Variants in CRPPA observed in about 807,000 individuals in gnomAD.
CRPPA encodes the protein CDP-L-ribitol pyrophosphorylase A.
CRPPA carries 43 observed loss-of-function variants against 52.0 expected under a neutral mutation model. The observed-to-expected ratio is 0.83, with a 90% CI of 0.65 to 1.07. The LOEUF (loss-of-function observed/expected upper bound fraction) is 1.07. CRPPA is among the 50% of genes least tolerant of loss of function. CRPPA has a pLI of 0.00. For missense variants in CRPPA, 629 were observed against 551.7 expected (o/e 1.14, Z -1.40); for synonymous variants, 250 against 203.5 (o/e 1.23, Z -1.94).
At chr7:16,329,588 A>G (rs558036685) in intron 3 of CRPPA, among the ~76,000 whole-genome samples, 3 of 152,188 alleles carry the variant, frequency 2.0e-5, no homozygotes, top group Non-Finnish European at 2.9e-5. Context: ...GTTTTAAACT[A>G]CATATGTGAA....
chr7:16,289,080 T>A (rs1344527254), intron 5 of CRPPA, among the ~76,000 whole-genome samples: 1 of 151,996 alleles, frequency 6.6e-6, no homozygotes, highest in African/African-American at 2.4e-5. Flanking sequence ...TGAACAACTA[T>A]ATGCTGATAA....
intron 8 of CRPPA, among the ~76,000 whole-genome samples, chr7:16,242,716 A>C (rs1783154042): frequency 6.6e-6 from 1 of 152,194 alleles, no homozygotes; most frequent in Non-Finnish European, 1.5e-5. Flanking sequence ...TTTCTTCTTA[A>C]GACATAAGGG....
chr7:16,201,277 T>C (rs1256727374), intron 9 of CRPPA, among the ~76,000 whole-genome samples: 1 of 152,122 alleles, frequency 6.6e-6, no homozygotes, highest in Non-Finnish European at 1.5e-5. Flanking sequence ...CCAGTGAAAC[T>C]CTACCTTCAA....
At chr7:16,382,484 C>T (rs1030024448) in intron 2 of CRPPA, among the ~76,000 whole-genome samples, 1 of 152,104 alleles carries the variant, frequency 6.6e-6, no homozygotes. Context: ...AGTTGCTCTT[C>T]TTGAGGAGTA....
chr7:16,315,013 T>C (rs144747368), intron 3 of CRPPA, among the ~76,000 whole-genome samples: 2 of 152,268 alleles, frequency 1.3e-5, no homozygotes, highest in East Asian at 1.9e-4. Flanking sequence ...ATGTGTGTTA[T>C]GTGTTTTACA....
intron 5 of CRPPA, among the ~76,000 whole-genome samples, chr7:16,299,668 T>C (rs1784750588): frequency 6.6e-6 from 1 of 152,224 alleles, no homozygotes; most frequent in Admixed American, 6.5e-5. Flanking sequence ...CTAAATGAGC[T>C]GTTTACACTA....
At chr7:16,146,115 T>C (rs368253745) in intron 9 of CRPPA, among the ~76,000 whole-genome samples, 9 of 152,080 alleles carry the variant, frequency 5.9e-5, no homozygotes, top group African/African-American at 2.2e-4. Flanking sequence ...TGACTATGAC[T>C]GGATTTCTCA....
rs1182450873 is a variant in CRPPA, at chr7:16,363,006, T to A, written c.684+13086A>T. Among the ~76,000 whole-genome samples, 6 of 152,120 alleles carry A rather than the reference T, an allele frequency of 3.9e-5. No individual in the cohort carries two copies. In the East Asian group the frequency reaches 1.2e-3, roughly 29 times the overall value. On this transcript the variant is annotated intron_variant, in intron 3 of 9. Coordinates refer to ENST00000407010, the MANE Select transcript of CRPPA (RefSeq NM_001101426.4). ...CTTGAAAATATAAAAGAACAGAAGT[T>A]TCTAGAAAAATATACAAAGGGTCAA...
intron 3 of CRPPA, among the ~76,000 whole-genome samples, chr7:16,350,833 A>T (rs141231419): frequency 2.0e-5 from 3 of 152,258 alleles, no homozygotes; most frequent in African/African-American, 7.2e-5. Context: ...TGGATAAAAG[A>T]TCCAACTATA....
chr7:16,195,054 T>C (rs1410314067), intron 9 of CRPPA, among the ~76,000 whole-genome samples: 2 of 151,912 alleles, frequency 1.3e-5, no homozygotes, highest in South Asian at 2.1e-4. Context: ...TTTAAAAGCA[T>C]GAAAAACTCT....
chr7:16,273,514 A>C lies in CRPPA; in HGVS notation c.933+4615T>G, dbSNP rs74844083. Among the ~76,000 whole-genome samples, 344 of 152,022 alleles carry C rather than the reference A, an allele frequency of 2.3e-3. 1 individual carries two copies. The highest frequency in any genetic ancestry group is 4.3e-3 in the Non-Finnish European group (291 of 67,966). On this transcript the variant is annotated intron_variant, in intron 6 of 9. Coordinates refer to ENST00000407010, the MANE Select transcript of CRPPA (RefSeq NM_001101426.4). ...GAGAAGAGGTCAGCAGGGGATAGCC[A>C]AACTCCAGGGGAAGACCACCTTTCC...
chr7:16,389,019 A>T (rs755946688), intron 2 of CRPPA, among the ~76,000 whole-genome samples: 19 of 152,242 alleles, frequency 1.2e-4, no homozygotes, highest in Non-Finnish European at 2.4e-4. Flanking sequence ...TAGAAAAGTG[A>T]TAAAATTAAC....
At chr7:16,317,901 A>C (rs1785181946) in intron 3 of CRPPA, among the ~76,000 whole-genome samples, 1 of 152,164 alleles carries the variant, frequency 6.6e-6, no homozygotes, top group Non-Finnish European at 1.5e-5. Context: ...ACCCTCACCA[A>C]CATTTGTTAT....
At chr7:16,418,056 G>A (rs1788237694) in intron 1 of CRPPA, among the ~76,000 whole-genome samples, 1 of 152,086 alleles carries the variant, frequency 6.6e-6, no homozygotes, top group Non-Finnish European at 1.5e-5. Flanking sequence ...CTTTTTTAAT[G>A]AAGTGACTTA....
At position 16,369,907 on chromosome 7, in the gene CRPPA, G is replaced by C. The variant is rs572857604; in HGVS notation, c.684+6185C>G. Among the ~76,000 whole-genome samples, 3 of 152,324 alleles carry C rather than the reference G, an allele frequency of 2.0e-5. No homozygotes were observed. In the East Asian group the frequency reaches 5.8e-4, roughly 29 times the overall value. ...CTCTAAATGTCCAGAATGTGAGAGG[G>C]GGAAAGTCTGCCTCCAATCATACAT... is the stretch of plus-strand genomic sequence containing the variant. On this transcript the variant is annotated intron_variant, in intron 3 of 9. Transcript: ENST00000407010.
intron 9 of CRPPA, among the ~76,000 whole-genome samples, chr7:16,159,092 C>T (rs2128381308): frequency 6.6e-6 from 1 of 152,294 alleles, no homozygotes. Context: ...AGAGTGGTTA[C>T]AACCAATGAC....
intron 9 of CRPPA, among the ~76,000 whole-genome samples, chr7:16,208,066 T>C (rs1175655297): frequency 6.6e-6 from 1 of 152,168 alleles, no homozygotes; most frequent in Non-Finnish European, 1.5e-5. Flanking sequence ...ACTTTCTCAA[T>C]TGCAACAACA....
At chr7:16,166,433 C>G (rs1781066457) in intron 9 of CRPPA, among the ~76,000 whole-genome samples, 1 of 152,094 alleles carries the variant, frequency 6.6e-6, no homozygotes, top group African/African-American at 2.4e-5. Flanking sequence ...GCTGGCATCA[C>G]CACGCCCAGC....
At chr7:16,225,158 T>G (rs1237099775) in intron 8 of CRPPA, among the ~76,000 whole-genome samples, 1 of 152,068 alleles carries the variant, frequency 6.6e-6, no homozygotes, top group Non-Finnish European at 1.5e-5. Context: ...ATGAGTTTCA[T>G]AATATCAGTA....
Sources: allele counts gnomAD v4.1 joint callset (sites outside exome capture counted in the v4.1 genomes callset), GRCh38; gene constraint gnomAD v4.1.1; transcripts MANE v1.5; gene names NCBI Gene and HGNC (gene_info 2026-07-23, HGNC 2026-07-21).